GALNT17: variants seen among roughly 807,000 people sequenced by gnomAD.
GALNT17 encodes UDP-GalNAc:polypeptide N-acetylgalactosaminyltransferase-like 3.
GALNT17 carries 29 observed loss-of-function variants against 63.7 expected under a neutral mutation model. That is an observed-to-expected ratio of 0.46 (90% confidence interval 0.34 to 0.62). The LOEUF (loss-of-function observed/expected upper bound fraction) is 0.62. GALNT17 is among the 20% of genes least tolerant of loss of function. The pLI, the probability that GALNT17 is intolerant of heterozygous loss-of-function variation, is 0.01. For missense variants in GALNT17, 603 were observed against 799.6 expected (o/e 0.75, Z 2.97); for synonymous variants, 305 against 318.3 (o/e 0.96, Z 0.45).
At chr7:71,656,435 G>A (rs1301550200) in intron 6 of GALNT17, among the ~76,000 whole-genome samples, 1 of 152,052 alleles carries the variant, frequency 6.6e-6, no homozygotes, top group Non-Finnish European at 1.5e-5. Flanking sequence ...GGGATTGAGG[G>A]GAGCTGCAGA....
At chr7:71,145,144 A>G (rs190643631) in intron 1 of GALNT17, among the ~76,000 whole-genome samples, 2 of 152,144 alleles carry the variant, frequency 1.3e-5, no homozygotes, top group African/African-American at 2.4e-5. Context: ...TTCTTTGGTG[A>G]GTCAGCTTCT....
Position 71,415,914 on chromosome 7 carries a change from G to A in GALNT17, c.615G>A (p.Glu205=), listed in dbSNP as rs1376698964. The change falls in exon 4 of 11, where the codon GAG becomes GAA. Residue 205 remains glutamate, a synonymous_variant. Transcript: ENST00000333538. ...AGGAGCTGAAGGTCCCCCTAGAGGA[G>A]TATGTCCACAAACGCTACCCCGGGC... The part of the protein sequence containing the change: ...DEEELKVPLE[E]YVHKRYPGLV... The A allele has an allele frequency of 1.2e-6, 2 of 1,611,778 alleles. No individual in the cohort carries two copies. The highest frequency in any genetic ancestry group is 2.7e-5 in the African/African-American group (2 of 74,884).
intron 6 of GALNT17, among the ~76,000 whole-genome samples, chr7:71,650,007 T>C (rs1212000166): frequency 6.6e-6 from 1 of 152,218 alleles, no homozygotes; most frequent in Non-Finnish European, 1.5e-5. Flanking sequence ...GTGGCCAATG[T>C]GCAGATGTGC....
intron 1 of GALNT17, among the ~76,000 whole-genome samples, chr7:71,156,548 T>A (rs1409065929): frequency 2.0e-5 from 3 of 150,694 alleles, no homozygotes; most frequent in Non-Finnish European, 4.4e-5. Context: ...AAGGCTGTTG[T>A]GACAATTAAA....
chr7:71,196,963 T>A (rs544655105), intron 1 of GALNT17, among the ~76,000 whole-genome samples: 122 of 141,932 alleles, frequency 8.6e-4, no homozygotes, highest in African/African-American at 2.5e-3. Context: ...CAATTTTTTT[T>A]TAAAAAATTT....
chr7:71,392,403 G>C (rs1793066854), intron 3 of GALNT17, among the ~76,000 whole-genome samples: 2 of 152,102 alleles, frequency 1.3e-5, no homozygotes, highest in South Asian at 4.2e-4. Flanking sequence ...GAGGAAGCTG[G>C]GGTATTTATA....
At chr7:71,142,919 C>T (rs1177184374) in intron 1 of GALNT17, among the ~76,000 whole-genome samples, 3 of 138,208 alleles carry the variant, frequency 2.2e-5, no homozygotes, top group Admixed American at 1.5e-4. Context: ...GTAGCCTGGG[C>T]GACAGGGCGA....
chr7:71,612,787 GCTC>G (rs1790144260), intron 6 of GALNT17, among the ~76,000 whole-genome samples: 1 of 152,138 alleles, frequency 6.6e-6, no homozygotes, highest in Non-Finnish European at 1.5e-5. Context: ...TTTCATCCAA[GCTC>G]CTAGTTTATT....
chr7:71,304,127 T>C (rs1791248981), intron 1 of GALNT17, among the ~76,000 whole-genome samples: 1 of 152,166 alleles, frequency 6.6e-6, no homozygotes, highest in South Asian at 2.1e-4. Context: ...ACACCTAGTT[T>C]CTGCAATTAG....
intron 1 of GALNT17, among the ~76,000 whole-genome samples, chr7:71,266,217 A>G (rs1409628023): frequency 6.6e-6 from 1 of 151,796 alleles, no homozygotes; most frequent in Non-Finnish European, 1.5e-5. Flanking sequence ...CCCCCATCTC[A>G]TGAGCCTTAA....
intron 1 of GALNT17, among the ~76,000 whole-genome samples, chr7:71,200,644 G>A (rs576753218): frequency 6.6e-6 from 1 of 152,156 alleles, no homozygotes; most frequent in East Asian, 1.9e-4. Flanking sequence ...TTTTTGCGTG[G>A]TTATAGTCAT....
chr7:71,585,820 G>A (rs1198024079), intron 6 of GALNT17, among the ~76,000 whole-genome samples: 2 of 151,796 alleles, frequency 1.3e-5, no homozygotes, highest in African/African-American at 4.8e-5. Context: ...CCTGACATTG[G>A]ACATTTCTGT....
At chr7:71,379,641 T>C (rs1373746709) in intron 2 of GALNT17, among the ~76,000 whole-genome samples, 1 of 152,074 alleles carries the variant, frequency 6.6e-6, no homozygotes, top group Non-Finnish European at 1.5e-5. Flanking sequence ...TGAGGGGTCA[T>C]GACTTGAATT....
intron 5 of GALNT17, among the ~76,000 whole-genome samples, chr7:71,560,449 G>A (rs1237440987): frequency 6.6e-6 from 1 of 152,144 alleles, no homozygotes; most frequent in Non-Finnish European, 1.5e-5. Context: ...TTGATCACTT[G>A]TCACAAGGAA....
At chr7:71,442,855 G>A (rs1193233759) in intron 5 of GALNT17, among the ~76,000 whole-genome samples, 3 of 152,166 alleles carry the variant, frequency 2.0e-5, no homozygotes, top group African/African-American at 7.2e-5. Context: ...TGGCCTGCAT[G>A]GGAGGTCCTT....
chr7:71,416,691 A>C (rs1193232802), intron 4 of GALNT17, among the ~76,000 whole-genome samples: 1 of 152,158 alleles, frequency 6.6e-6, no homozygotes, highest in Non-Finnish European at 1.5e-5. Flanking sequence ...CAAGACAGTC[A>C]TATTTTTCTT....
In GALNT17 at chr7:71,365,808, G is replaced by A. The variant is rs948854045; in HGVS notation, c.423-22427G>A. Among the ~76,000 whole-genome samples, 4 of 152,178 alleles carry A rather than the reference G, an allele frequency of 2.6e-5. No homozygotes were observed. In the East Asian group the frequency reaches 7.7e-4, roughly 29 times the overall value. On this transcript the variant is annotated intron_variant, in intron 2 of 10. Transcript: ENST00000333538. ...AAGACAATTTTTCTATGAACTGGGGGTGAGGGGTGGGTTGGTTTGGGGATG... is the reference window on the plus strand; with the variant it reads ...AAGACAATTTTTCTATGAACTGGGGATGAGGGGTGGGTTGGTTTGGGGATG...
At chr7:71,145,775 G>A (rs1388853945) in intron 1 of GALNT17, among the ~76,000 whole-genome samples, 4 of 152,064 alleles carry the variant, frequency 2.6e-5, no homozygotes, top group Non-Finnish European at 5.9e-5. Context: ...GCACAATCTC[G>A]GCTCACTATA....
chr7:71,349,140 G>A (rs114823672), intron 2 of GALNT17, among the ~76,000 whole-genome samples: 2,966 of 152,286 alleles, frequency 0.019, 27 homozygotes, highest in Non-Finnish European at 0.029. Context: ...CAATCACAAC[G>A]CCTGTTTATG....
Sources: allele counts gnomAD v4.1 joint callset (sites outside exome capture counted in the v4.1 genomes callset), GRCh38; gene constraint gnomAD v4.1.1; transcripts MANE v1.5; gene names NCBI Gene and HGNC (gene_info 2026-07-23, HGNC 2026-07-21).